The following MGST1 variants were observed in gnomAD, a reference collection of about 807,000 sequenced individuals.
MGST1 encodes the protein microsomal glutathione S-transferase 1, also known as glutathione S-transferase 12.
In MGST1, 5 loss-of-function variants were observed where a neutral mutation model predicts 8.9. That is an observed-to-expected ratio of 0.56 (90% CI 0.29 to 1.19). The LOEUF is 1.19. MGST1 is among the 50% of genes most tolerant of loss of function. The pLI is 0.08. For synonymous variants in MGST1, 54 were observed against 67.8 expected, an observed-to-expected ratio of 0.80 and a Z score of 1.00; for missense variants, 182 against 187.4, an observed-to-expected ratio of 0.97 and a Z score of 0.17.
intron 1 of MGST1, among the ~76,000 whole-genome samples, chr12:16,436,787 C>A (rs1361400568): frequency 6.6e-6 from 1 of 151,968 alleles, no homozygotes; most frequent in Non-Finnish European, 1.5e-5. Context: ...TGTCCACAGT[C>A]ATGCAGCTAG....
intron 4 of MGST1, among the ~76,000 whole-genome samples, chr12:16,515,439 C>G (rs975576496): frequency 1.3e-5 from 2 of 152,010 alleles, no homozygotes; most frequent in African/African-American, 4.8e-5. Context: ...AAGTCTGAGA[C>G]CAGCCTGGCC....
At chr12:16,479,233 A>ATTT (rs1276153411) in intron 4 of MGST1, among the ~76,000 whole-genome samples, 2 of 78,908 alleles carry the variant, frequency 2.5e-5, no homozygotes, top group African/African-American at 4.7e-5. Flanking sequence ...AATAGACTGT[A>ATTT]TCTTTTTTTT....
At chr12:16,568,851 T>C (rs1490609683) in intron 4 of MGST1, among the ~76,000 whole-genome samples, 1 of 152,172 alleles carries the variant, frequency 6.6e-6, no homozygotes, top group African/African-American at 2.4e-5. Flanking sequence ...TTGAAACAAA[T>C]GGAGATCCAA....
chr12:16,541,082 T>C (rs1000863876), intron 4 of MGST1, among the ~76,000 whole-genome samples: 2 of 152,208 alleles, frequency 1.3e-5, no homozygotes, highest in East Asian at 1.9e-4. Flanking sequence ...TATTTCTTCA[T>C]GTAATATTTT....
At chr12:16,486,473 G>T (rs1941399695) in intron 4 of MGST1, among the ~76,000 whole-genome samples, 1 of 152,074 alleles carries the variant, frequency 6.6e-6, no homozygotes, top group South Asian at 2.1e-4. Context: ...TTCTAAGTAA[G>T]ATTTAAAAAG....
downstream of MGST1, among the ~76,000 whole-genome samples, chr12:16,378,144 C>T (rs1214207260): frequency 2.0e-5 from 3 of 151,998 alleles, no homozygotes; most frequent in African/African-American, 4.8e-5. Context: ...GAAGCTCTTT[C>T]ATTTAATTAG....
At chr12:16,397,778 C>CTTTTT (rs55755629) in intron 1 of MGST1, among the ~76,000 whole-genome samples, 23 of 143,292 alleles carry the variant, frequency 1.6e-4, no homozygotes, top group Admixed American at 2.8e-4. Flanking sequence ...TCAATAGTAT[C>CTTTTT]TTTTTTTTTT....
intron 4 of MGST1, among the ~76,000 whole-genome samples, chr12:16,463,149 A>T (rs978226510): frequency 6.6e-6 from 1 of 152,128 alleles, no homozygotes; most frequent in Non-Finnish European, 1.5e-5. Flanking sequence ...TAAGAGACTA[A>T]TACTGCTTAC....
rs1268447109 is a variant in MGST1, at chr12:16,584,877, G to A, written n.483-4651G>A. ...TCCTCTCTTCAAGAATTCAGGATGC[G>A]AGGAAATATTTTCAAACACCTTAGC... is the stretch of plus-strand genomic sequence containing the variant. On this transcript the variant is annotated intron_variant and non_coding_transcript_variant, in intron 4 of 4. Coordinates refer to the MGST1 transcript ENST00000538857. The surrounding 1 kb of genome is among the most constrained non-coding windows in gnomAD (Gnocchi z 5.2). Among the ~76,000 whole-genome samples the A allele has an allele frequency of 1.3e-5, 2 of 152,126 alleles. No homozygotes were observed. The highest frequency in any genetic ancestry group is 2.4e-5 in the African/African-American group (1 of 41,422).
At chr12:16,532,250 A>G (rs1393640058) in intron 4 of MGST1, among the ~76,000 whole-genome samples, 1 of 152,034 alleles carries the variant, frequency 6.6e-6, no homozygotes, top group Non-Finnish European at 1.5e-5. Context: ...CCCATTTCTG[A>G]TTCCATTCAG....
rs940821993 is a variant in MGST1 at position 16,582,727 on chromosome 12, T to C, written n.483-6801T>C. The stretch of plus-strand genomic sequence containing the variant: ...GTACGGTCCCTCACTCTTTTAAGTA[T>C]CTGATTGGGATGAGACGCCCAGAAA... On this transcript the variant is annotated intron_variant and non_coding_transcript_variant, in intron 4 of 4. Coordinates refer to the MGST1 transcript ENST00000538857. This position sits in a 1 kb window ranked among gnomAD's most constrained non-coding sequence, Gnocchi z 4.1. Among the ~76,000 whole-genome samples, 1 of 152,112 alleles carries C rather than the reference T, an allele frequency of 6.6e-6. No homozygotes were observed. The highest frequency in any genetic ancestry group is 2.4e-5 in the African/African-American group (1 of 41,394).
intron 4 of MGST1, among the ~76,000 whole-genome samples, chr12:16,454,065 C>T (rs759225668): frequency 2.0e-5 from 3 of 151,826 alleles, no homozygotes; most frequent in African/African-American, 7.3e-5. Flanking sequence ...GAAACCTATA[C>T]GACTTTCAAA....
chr12:16,527,767 A>G (rs1941696687), intron 4 of MGST1, among the ~76,000 whole-genome samples: 1 of 152,060 alleles, frequency 6.6e-6, no homozygotes, highest in South Asian at 2.1e-4. Flanking sequence ...GATATTTTTC[A>G]TCTTACTTAT....
At chr12:16,409,369 CA>C (rs1940722454) in intron 1 of MGST1, among the ~76,000 whole-genome samples, 2 of 152,184 alleles carry the variant, frequency 1.3e-5, no homozygotes, top group African/African-American at 4.8e-5. Flanking sequence ...GATCAGAAAA[CA>C]GAGCCTTTAT....
intron 1 of MGST1, among the ~76,000 whole-genome samples, chr12:16,384,416 CAGAG>C (rs1277898803): frequency 6.6e-6 from 1 of 152,174 alleles, no homozygotes; most frequent in African/African-American, 2.4e-5. Flanking sequence ...TGCAGAGACA[CAGAG>C]AGAAGTCCAC....
downstream of MGST1, among the ~76,000 whole-genome samples, chr12:16,369,111 G>A (rs1940244214): frequency 6.6e-6 from 1 of 152,070 alleles, no homozygotes; most frequent in African/African-American, 2.4e-5. This position sits in a 1 kb window ranked among gnomAD's most constrained non-coding sequence, Gnocchi z 4.8. Flanking sequence ...GAATAGTGAA[G>A]GACTGAAGCA....
chr12:16,491,902 G>C (rs879412040), intron 4 of MGST1, among the ~76,000 whole-genome samples: 1 of 152,042 alleles, frequency 6.6e-6, no homozygotes, highest in Non-Finnish European at 1.5e-5. Context: ...GTAAGGCCAC[G>C]TTAGTCTATG....
intron 4 of MGST1, among the ~76,000 whole-genome samples, chr12:16,530,354 C>T (rs1941714614): frequency 6.6e-6 from 1 of 151,964 alleles, no homozygotes; most frequent in Non-Finnish European, 1.5e-5. Context: ...TTCTTCCAAC[C>T]TTTGCACACT....
At chr12:16,432,804 G>T (rs908028133) in intron 1 of MGST1, among the ~76,000 whole-genome samples, 1 of 151,456 alleles carries the variant, frequency 6.6e-6, no homozygotes, top group Non-Finnish European at 1.5e-5. Context: ...TAGAGAAAAA[G>T]ATTTATTACA....
Sources: allele counts gnomAD v4.1 joint callset (sites outside exome capture counted in the v4.1 genomes callset), GRCh38; gene constraint gnomAD v4.1.1; non-coding constraint Gnocchi (gnomAD v3.1); transcripts MANE v1.5; gene names NCBI Gene and HGNC (gene_info 2026-07-23, HGNC 2026-07-21).